The following GRIA2 variants were observed in gnomAD, a reference collection of about 807,000 sequenced individuals.
The protein encoded by GRIA2 is glutamate receptor 2.
GRIA2 carries 14 observed loss-of-function variants against 97.3 expected under a neutral mutation model. The observed-to-expected ratio is 0.14, with a 90% CI of 0.10 to 0.23. The LOEUF (loss-of-function observed/expected upper bound fraction) is 0.23, where lower values mean the gene tolerates loss of function less well. Among genes scored for constraint, GRIA2 ranks in the 10% least tolerant of loss-of-function variants. The pLI is 1.00. For synonymous variants in GRIA2, 412 were observed against 387.8 expected (o/e 1.06, Z -0.73); for missense variants, 558 against 1,069.8 (o/e 0.52, Z 6.67).
chr4:157,352,793 C>T (rs1048429863), intron 12 of GRIA2, among the ~76,000 whole-genome samples: 1 of 151,482 alleles, frequency 6.6e-6, no homozygotes, highest in African/African-American at 2.4e-5. Context: ...TGGTGCACAC[C>T]CATAATCCCA....
At chr4:157,334,258 T>G (rs1032902921) in intron 9 of GRIA2, 138 bp downstream of exon 9, 2 of 603,730 alleles carry the variant, frequency 3.3e-6, no homozygotes, top group Non-Finnish European at 6.0e-6. Context: ...TCATATTTAC[T>G]CTGTTAAAAG....
intron 12 of GRIA2, among the ~76,000 whole-genome samples, chr4:157,347,269 G>A (rs1014659430): frequency 9.2e-5 from 14 of 152,126 alleles, no homozygotes; most frequent in Admixed American, 2.6e-4. Context: ...CAGGGTACAT[G>A]TGTTATTTTG....
rs1319415612 is a variant in GRIA2 at position 157,246,235 on chromosome 4, G to A, written c.229+24428G>A. Reference sequence around the variant, plus strand: ...AGGAATTCTAACTCTGCTACTTATTGTTGCTATCTGATATTGGACAGGCTA... The same window carrying A: ...AGGAATTCTAACTCTGCTACTTATTATTGCTATCTGATATTGGACAGGCTA... On this transcript the variant is annotated intron_variant, in intron 2 of 15. Coordinates refer to ENST00000264426, the MANE Select transcript of GRIA2 (RefSeq NM_001083619.3). 2.0e-5 allele frequency among the ~76,000 whole-genome samples: 3 copies of A among 152,060 alleles called. No homozygotes were observed. The East Asian group carries it at 5.8e-4, about 29-fold the overall frequency.
intron 2 of GRIA2, among the ~76,000 whole-genome samples, chr4:157,288,926 A>C (rs1732966924): frequency 6.6e-6 from 1 of 151,904 alleles, no homozygotes; most frequent in Non-Finnish European, 1.5e-5. Flanking sequence ...GAGCGGAAAC[A>C]GAAGTAAAAT....
chr4:157,248,340 T>A lies in GRIA2; in HGVS notation c.229+26533T>A, dbSNP rs144179475. 6.2e-4 allele frequency among the ~76,000 whole-genome samples: 94 copies of A among 150,734 alleles called. 1 individual carries two copies. The highest frequency in any genetic ancestry group is 2.1e-3 in the African/African-American group (87 of 41,264). On this transcript the variant is annotated intron_variant, in intron 2 of 15. Coordinates refer to ENST00000264426, the MANE Select transcript of GRIA2 (RefSeq NM_001083619.3). ...ATGTACTCAGAATCAAAGCTTATATTTAAGTAATACATTAAAAATACAAAA... is the reference window on the plus strand; with the variant it reads ...ATGTACTCAGAATCAAAGCTTATATATAAGTAATACATTAAAAATACAAAA...
intron 3 of GRIA2, among the ~76,000 whole-genome samples, chr4:157,310,343 G>A (rs1334282483): frequency 2.6e-5 from 4 of 151,830 alleles, no homozygotes; most frequent in Non-Finnish European, 5.9e-5. Context: ...CATTTTGCCA[G>A]AAAAAAAGTT....
At chr4:157,298,228 T>A (rs1189526150) in intron 2 of GRIA2, among the ~76,000 whole-genome samples, 6 of 152,088 alleles carry the variant, frequency 3.9e-5, no homozygotes, top group Admixed American at 3.9e-4. Flanking sequence ...AGAAGTACTG[T>A]TATGGAAACT....
chr4:157,249,932 T>C (rs930416841), intron 2 of GRIA2: 7 of 152,174 alleles, frequency 4.6e-5, no homozygotes, highest in African/African-American at 1.7e-4. Context: ...GATGGACATA[T>C]GCTGGGACCA....
At chr4:157,345,528 A>G (rs1022380017) in intron 12 of GRIA2, among the ~76,000 whole-genome samples, 16 of 152,154 alleles carry the variant, frequency 1.1e-4, no homozygotes, top group African/African-American at 3.4e-4. Flanking sequence ...TCTTATCTCA[A>G]TAAAATAGGA....
At chr4:157,262,733 CT>C (rs977167797) in intron 2 of GRIA2, among the ~76,000 whole-genome samples, 2 of 151,946 alleles carry the variant, frequency 1.3e-5, no homozygotes, top group African/African-American at 4.8e-5. Flanking sequence ...CAGTGTACTC[CT>C]TTTTAGCTCA....
Position 157,333,985 on chromosome 4 carries a change from A to T in GRIA2, c.1156-25A>T, listed in dbSNP as rs772770647. On this transcript the variant is annotated intron_variant, in intron 8 of 15. Coordinates refer to ENST00000264426, the MANE Select transcript of GRIA2 (RefSeq NM_001083619.3). ...TAATAGACAAGTCATTTATCCATAC[A>T]CCTGTCTGCTGTAACCTTTTCCAGA... The T allele has an allele frequency of 8.5e-6, 9 of 1,064,246 alleles. No individual in the cohort carries two copies. The East Asian group carries it at 1.4e-4, about 17-fold the overall frequency. 65.9% of individuals were successfully genotyped at this position (1,064,246 alleles called of 1,614,324 possible).
intron 2 of GRIA2, among the ~76,000 whole-genome samples, chr4:157,242,557 T>C (rs1730555547): frequency 1.3e-5 from 2 of 152,026 alleles, no homozygotes; most frequent in Admixed American, 1.3e-4. Context: ...ACAAATCTCA[T>C]ATAACCATTC....
At chr4:157,225,376 C>T (rs1342955945) in intron 2 of GRIA2, among the ~76,000 whole-genome samples, 1 of 151,846 alleles carries the variant, frequency 6.6e-6, no homozygotes, top group Non-Finnish European at 1.5e-5. Flanking sequence ...TTTTCCTTTC[C>T]TCCCTCCCTG....
At chr4:157,251,802 A>T (rs560233394) in intron 2 of GRIA2, among the ~76,000 whole-genome samples, 1 of 152,134 alleles carries the variant, frequency 6.6e-6, no homozygotes, top group Admixed American at 6.6e-5. Context: ...TTGTTCATTC[A>T]GTCATTTTGA....
chr4:157,338,177 A>G (rs978171358), intron 11 of GRIA2, among the ~76,000 whole-genome samples: 3 of 151,588 alleles, frequency 2.0e-5, no homozygotes, highest in Non-Finnish European at 2.9e-5. Flanking sequence ...GGCAAATACT[A>G]ACCAAATTGG....
chr4:157,251,872 T>C (rs1333559270), intron 2 of GRIA2, among the ~76,000 whole-genome samples: 4 of 152,136 alleles, frequency 2.6e-5, no homozygotes, highest in African/African-American at 9.6e-5. Context: ...CTGGTAATTC[T>C]CAAAGTGTTG....
At chr4:157,249,448 C>T (rs952946121) in intron 2 of GRIA2, 7 of 151,990 alleles carry the variant, frequency 4.6e-5, no homozygotes, top group Non-Finnish European at 1.0e-4. Flanking sequence ...TCATCAAGGC[C>T]GAGAGATTTA....
intron 2 of GRIA2, among the ~76,000 whole-genome samples, chr4:157,243,486 C>G (rs1325165569): frequency 6.6e-6 from 1 of 152,094 alleles, no homozygotes; most frequent in Admixed American, 6.6e-5. Flanking sequence ...AATTCAAATT[C>G]ATGGTGGCAC....
intron 12 of GRIA2, among the ~76,000 whole-genome samples, chr4:157,353,452 C>T (rs760307281): frequency 1.1e-4 from 17 of 151,788 alleles, no homozygotes; most frequent in African/African-American, 2.9e-4. Context: ...GGGCGGACAA[C>T]GAGGTCAGGA....
Sources: allele counts gnomAD v4.1 joint callset (sites outside exome capture counted in the v4.1 genomes callset), GRCh38; gene constraint gnomAD v4.1.1; transcripts MANE v1.5; gene names NCBI Gene and HGNC (gene_info 2026-07-23, HGNC 2026-07-21).